Variants in CSNK1D observed in about 807,000 individuals in gnomAD.
CSNK1D encodes the protein casein kinase 1 delta, also known as casein kinase I isoform delta.
A neutral mutation model predicts 46.6 loss-of-function variants in CSNK1D; 16 were observed. The observed-to-expected ratio is 0.34, with a 90% CI of 0.23 to 0.52. The LOEUF is 0.52. Among genes scored for constraint, CSNK1D ranks in the 20% least tolerant of loss-of-function variants. The pLI is 0.95. For synonymous variants in CSNK1D, 276 were observed against 228.2 expected (o/e 1.21, Z -1.89); for missense variants, 398 against 578.4 (o/e 0.69, Z 3.20).
intron 2 of CSNK1D, among the ~76,000 whole-genome samples, chr17:82,263,509 G>A (rs550855028): frequency 2.6e-5 from 4 of 152,330 alleles, no homozygotes; most frequent in Admixed American, 2.6e-4. Flanking sequence ...AGGGGCAGGG[G>A]TGCTGCCAAC....
Position 82,248,633 on chromosome 17 carries a change from G to C in CSNK1D, c.1197+242C>G. 2 of 1,370,256 alleles carry C rather than the reference G, an allele frequency of 1.5e-6. No homozygotes were observed. Among genetic ancestry groups the C allele is most frequent in the Non-Finnish European group, 1.9e-6 (2 of 1,058,958 alleles). 84.9% of individuals were successfully genotyped at this position (1,370,256 alleles called of 1,614,324 possible). A position where few individuals can be genotyped will look rare whatever the true frequency, so the allele number is the denominator to read the frequency against. ...GCCCCCACGGTTTGCTGGCCTCAGG[G>C]ACCTGAGACCTGAGACTGGCCACCT... On this transcript the variant is annotated intron_variant, in intron 8 of 8. Transcript: ENST00000314028. The surrounding 1 kb of genome is among the most constrained non-coding windows in gnomAD (Gnocchi z 4.1).
downstream of CSNK1D, among the ~76,000 whole-genome samples, chr17:82,240,470 G>C (rs1483832473): frequency 6.6e-6 from 1 of 152,226 alleles, no homozygotes; most frequent in Non-Finnish European, 1.5e-5. Flanking sequence ...GCTGTCCCTG[G>C]TTCTGCTGAC....
rs777970652 is a variant in CSNK1D, at chr17:82,252,405, C to T, written c.736+29G>A. 2 of 1,613,610 alleles carry T rather than the reference C, an allele frequency of 1.2e-6. No homozygotes were observed. The highest frequency in any genetic ancestry group is 1.7e-6 in the Non-Finnish European group (2 of 1,179,630). The stretch of plus-strand genomic sequence containing the variant: ...ACATATGCAACCCCTGTGAGCAGCT[C>T]CGCTGAGAAGAGGCCTCCAGAGACT... On this transcript the variant is annotated intron_variant, in intron 5 of 8. Transcript: ENST00000314028. This position sits in a 1 kb window ranked among gnomAD's most constrained non-coding sequence, Gnocchi z 4.6.
At position 82,251,498 on chromosome 17, in the gene CSNK1D, G is replaced by T; in HGVS notation, c.766C>A (p.Arg256Ser). 6.2e-7 allele frequency: 1 copy of T among 1,614,080 alleles called. No homozygotes were observed. The highest frequency in any genetic ancestry group is 8.5e-7 in the Non-Finnish European group (1 of 1,180,012). ...GGCTTGTCGTCAAAACGCAAGGAAC[G>T]GCAGAAATTCAGGTATGTGGCAAAT... The part of the protein sequence containing the change: ...SEFATYLNFC[R>S]SLRFDDKPDY... The change falls in exon 6 of 9, where the codon CGT becomes AGT. Residue 256 changes from arginine to serine, a missense_variant. Coordinates refer to ENST00000314028, the MANE Select transcript of CSNK1D (RefSeq NM_001893.6). The surrounding 1 kb of genome is among the most constrained non-coding windows in gnomAD (Gnocchi z 4.5).
chr17:82,251,772 C>G lies in CSNK1D; in HGVS notation c.737-245G>C. ...CTAGGAGGCTGAGGAGGGCGGATCA[C>G]GAGGTCAGGAGATCAAGACCATCCT... On this transcript the variant is annotated intron_variant, in intron 5 of 8. Coordinates refer to ENST00000314028, the MANE Select transcript of CSNK1D (RefSeq NM_001893.6). This position sits in a 1 kb window ranked among gnomAD's most constrained non-coding sequence, Gnocchi z 4.5. 1.9e-6 allele frequency: 1 copy of G among 515,628 alleles called. No homozygotes were observed. The highest frequency in any genetic ancestry group is 2.0e-5 in the African/African-American group (1 of 51,280). 31.9% of individuals were successfully genotyped at this position (515,628 alleles called of 1,614,324 possible).
intron 2 of CSNK1D, among the ~76,000 whole-genome samples, chr17:82,259,454 C>A (rs1292956190): frequency 1.3e-5 from 2 of 152,212 alleles, no homozygotes; most frequent in African/African-American, 2.4e-5. Context: ...TTACACAAAA[C>A]TTGGCTGCAC....
chr17:82,246,775 A>C, intron 8 of CSNK1D: 1 of 990,940 alleles, frequency 1.0e-6, no homozygotes, highest in Non-Finnish European at 1.2e-6. Flanking sequence ...ACAGGGCGCA[A>C]GGTCTCCTGA....
In CSNK1D at chr17:82,250,812, G is replaced by C. The variant is rs556963652; in HGVS notation, c.885+567C>G. The C allele has an allele frequency of 1.1e-5, 2 of 174,640 alleles. 1 individual carries two copies. The highest frequency in any genetic ancestry group is 1.1e-4 in the Admixed American group (2 of 18,572). The allele number at this position is 174,640 out of a possible 1,614,324, so 10.8% of individuals were successfully genotyped here. A position where few individuals can be genotyped will look rare whatever the true frequency, so the allele number is the denominator to read the frequency against. ...AAGTTTTTAATGAAGGAACACAACAGTTCCACAGGAGCTTCATTTCTGACA... is the reference window on the plus strand; with the variant it reads ...AAGTTTTTAATGAAGGAACACAACACTTCCACAGGAGCTTCATTTCTGACA... On this transcript the variant is annotated intron_variant, in intron 6 of 8. Transcript: ENST00000314028. This position sits in a 1 kb window ranked among gnomAD's most constrained non-coding sequence, Gnocchi z 4.6.
Position 82,255,685 on chromosome 17 carries a change from G to A in CSNK1D, c.188-108C>T. 1 of 1,413,108 alleles carries A rather than the reference G, an allele frequency of 7.1e-7. No individual in the cohort carries two copies. Among genetic ancestry groups the A allele is most frequent in the Non-Finnish European group, 1.0e-6 (1 of 1,004,682 alleles). The allele number at this position is 1,413,108 out of a possible 1,614,324, so 87.5% of individuals were successfully genotyped here. A position where few individuals can be genotyped will look rare whatever the true frequency, so the allele number is the denominator to read the frequency against. On this transcript the variant is annotated intron_variant, in intron 2 of 8. Coordinates refer to ENST00000314028, the MANE Select transcript of CSNK1D (RefSeq NM_001893.6). This position sits in a 1 kb window ranked among gnomAD's most constrained non-coding sequence, Gnocchi z 5.9. Reference sequence around the variant, plus strand: ...GTCATGGTGACAATCCTGAACGGGGGAGGGGTGGTGGAGGTAGAAGACCCC... The same window carrying A: ...GTCATGGTGACAATCCTGAACGGGGAAGGGGTGGTGGAGGTAGAAGACCCC...
rs948435964 is a variant in CSNK1D at position 82,251,564 on chromosome 17, C to G, written c.737-37G>C. On this transcript the variant is annotated intron_variant, in intron 5 of 8. Transcript: ENST00000314028. The surrounding 1 kb of genome is among the most constrained non-coding windows in gnomAD (Gnocchi z 4.5). Reference sequence around the variant, plus strand: ...GAAACTCAAAGCTAACTCATGAAACCCAACTGCGACTCAAGGTGTCTCTGC... The same window carrying G: ...GAAACTCAAAGCTAACTCATGAAACGCAACTGCGACTCAAGGTGTCTCTGC... 1.9e-6 allele frequency: 3 copies of G among 1,611,594 alleles called. No homozygotes were observed. The highest frequency in any genetic ancestry group is 1.3e-5 in the African/African-American group (1 of 74,998).
rs1568549969 is a variant in CSNK1D, at chr17:82,244,140, A to G, written c.*641T>C. 1.0e-6 allele frequency: 1 copy of G among 996,792 alleles called. No homozygotes were observed. The highest frequency in any genetic ancestry group is 1.2e-6 in the Non-Finnish European group (1 of 835,526). The allele number at this position is 996,792 out of a possible 1,614,324, so 61.7% of individuals were successfully genotyped here. A position where few individuals can be genotyped will look rare whatever the true frequency, so the allele number is the denominator to read the frequency against. On this transcript the variant is annotated 3_prime_UTR_variant, in exon 9 of 9. Coordinates refer to ENST00000314028, the MANE Select transcript of CSNK1D (RefSeq NM_001893.6). ...TGAAGAGGTCCCACCACACACGGGC[A>G]CACACACACACCACGGACTTTTGAT...
At chr17:82,260,794 G>A (rs1369387761) in intron 2 of CSNK1D, 1 of 153,320 alleles carries the variant, frequency 6.5e-6, no homozygotes, top group East Asian at 1.9e-4. Flanking sequence ...ACTGAGTGAT[G>A]AGACTGATGG....
chr17:82,241,144 GCA>G (rs914715786), downstream of CSNK1D, among the ~76,000 whole-genome samples: 2 of 152,184 alleles, frequency 1.3e-5, no homozygotes, highest in African/African-American at 4.8e-5. Context: ...GGCAGAGGGC[GCA>G]CAGACTTCTT....
chr17:82,246,802 A>C, intron 8 of CSNK1D: 3 of 987,092 alleles, frequency 3.0e-6, no homozygotes, highest in Non-Finnish European at 3.6e-6. Flanking sequence ...CAGAAAGAAC[A>C]GGGAAGAGCG....
chr17:82,245,520 A>G (rs1015318647), intron 8 of CSNK1D: 2 of 231,510 alleles, frequency 8.6e-6, no homozygotes, highest in African/African-American at 4.6e-5. Context: ...GACTGCCCAG[A>G]GTGTGGCGCA....
chr17:82,265,848 A>T, intron 1 of CSNK1D, 52 bp from the exon 2 acceptor site: 1 of 1,393,196 alleles, frequency 7.2e-7, no homozygotes, highest in Non-Finnish European at 1.0e-6. Context: ...CCACCAAATA[A>T]CCCAACATGC....
intron 8 of CSNK1D, chr17:82,245,113 T>C (rs1483342605): frequency 1.7e-6 from 1 of 581,564 alleles, no homozygotes; most frequent in Admixed American, 3.0e-5. Context: ...CGGAGACGGG[T>C]GCTCCTGCCT....
intron 1 of CSNK1D, among the ~76,000 whole-genome samples, chr17:82,268,086 G>A (rs1049456208): frequency 6.6e-6 from 1 of 152,194 alleles, no homozygotes; most frequent in Non-Finnish European, 1.5e-5. Flanking sequence ...CCCTCCTGTG[G>A]AACCGACACC....
In CSNK1D at chr17:82,250,173, C is replaced by T. The variant is rs1242155604; in HGVS notation, c.886-571G>A. On this transcript the variant is annotated intron_variant, in intron 6 of 8. Transcript: ENST00000314028. The surrounding 1 kb of genome is among the most constrained non-coding windows in gnomAD (Gnocchi z 4.6). ...GGGGAGGTCAGATTTTAAGCCGAGA[C>T]AGCAACCTATGAAAAAGCAGATTCT... 1.6e-6 allele frequency: 2 copies of T among 1,289,866 alleles called. No individual in the cohort carries two copies. The highest frequency in any genetic ancestry group is 3.0e-5 in the African/African-American group (2 of 65,870). The allele number at this position is 1,289,866 out of a possible 1,614,324, so 79.9% of individuals were successfully genotyped here.
Sources: allele counts gnomAD v4.1 joint callset (sites outside exome capture counted in the v4.1 genomes callset), GRCh38; gene constraint gnomAD v4.1.1; non-coding constraint Gnocchi (gnomAD v3.1); transcripts MANE v1.5; gene names NCBI Gene and HGNC (gene_info 2026-07-23, HGNC 2026-07-21).